RORA: variants seen among roughly 807,000 people sequenced by gnomAD.
The protein encoded by RORA is RAR related orphan receptor A, also known as nuclear receptor ROR-alpha.
Under a neutral mutation model 69.5 loss-of-function variants are expected in RORA, and 7 were observed. The observed-to-expected ratio is 0.10, with a 90% confidence interval of 0.06 to 0.19. The LOEUF (loss-of-function observed/expected upper bound fraction) is 0.19. RORA is among the 10% of genes least tolerant of loss of function. RORA has a pLI of 1.00. For synonymous variants in RORA, 261 were observed against 240.8 expected, an observed-to-expected ratio of 1.08 and a Z score of -0.78; for missense variants, 457 against 663.0, an observed-to-expected ratio of 0.69 and a Z score of 3.41.
chr15:60,541,239 T>C (rs1319393569), intron 2 of RORA, among the ~76,000 whole-genome samples: 1 of 152,184 alleles, frequency 6.6e-6, no homozygotes, highest in African/African-American at 2.4e-5. Context: ...ACATGGTCAT[T>C]AACATCTAAA....
At chr15:60,950,249 G>A (rs977216820) in intron 1 of RORA, among the ~76,000 whole-genome samples, 3 of 148,846 alleles carry the variant, frequency 2.0e-5, no homozygotes, top group African/African-American at 7.4e-5. Flanking sequence ...GAGAGATTTT[G>A]TCACCACCAG....
chr15:61,024,937 C>T (rs1411159218), intron 1 of RORA, among the ~76,000 whole-genome samples: 2 of 152,136 alleles, frequency 1.3e-5, no homozygotes, highest in Admixed American at 6.6e-5. Flanking sequence ...AGACAACAGA[C>T]CTATAAGCAA....
At chr15:60,550,396 T>C (rs949107673) in intron 2 of RORA, among the ~76,000 whole-genome samples, 1 of 152,240 alleles carries the variant, frequency 6.6e-6, no homozygotes, top group Non-Finnish European at 1.5e-5. Flanking sequence ...CCCAAACACA[T>C]TCATCTCAAA....
chr15:61,004,867 T>TC (rs1894865203), intron 1 of RORA, among the ~76,000 whole-genome samples: 1 of 152,262 alleles, frequency 6.6e-6, no homozygotes, highest in East Asian at 1.9e-4. Flanking sequence ...TTAAAACTTA[T>TC]CCAATTAGCA....
At chr15:60,752,125 G>C (rs1234378593) in intron 1 of RORA, among the ~76,000 whole-genome samples, 2 of 152,094 alleles carry the variant, frequency 1.3e-5, no homozygotes, top group Admixed American at 6.6e-5. Context: ...CAATGGGCTA[G>C]TATGGGAAAG....
intron 1 of RORA, among the ~76,000 whole-genome samples, chr15:60,947,688 TAAA>T (rs35887206): frequency 1.7e-4 from 17 of 102,930 alleles, no homozygotes; most frequent in East Asian, 1.0e-3. Context: ...GAATGATCAA[TAAA>T]AAAAAAAAAA....
chr15:60,794,865 C>T (rs553969675), intron 1 of RORA, among the ~76,000 whole-genome samples: 2 of 152,250 alleles, frequency 1.3e-5, no homozygotes, highest in East Asian at 1.9e-4. Context: ...TCACAAGCAC[C>T]GTAGGCCTGG....
chr15:60,848,796 C>T (rs944506100), intron 1 of RORA: 5 of 152,250 alleles, frequency 3.3e-5, no homozygotes, highest in African/African-American at 1.2e-4. Context: ...TGAGAACTCA[C>T]TCACTATCGT....
At chr15:61,069,627 T>C (rs1022749235) in intron 1 of RORA, among the ~76,000 whole-genome samples, 2 of 151,370 alleles carry the variant, frequency 1.3e-5, no homozygotes, top group Non-Finnish European at 2.9e-5. Flanking sequence ...ACCCAGTTCA[T>C]AACATTGATT....
rs2065051559 is a variant in RORA, at chr15:60,492,101, A to G, written c.*5354T>C. The G allele has an allele frequency of 6.6e-6, 1 of 152,204 alleles. No individual in the cohort carries two copies. The highest frequency in any genetic ancestry group is 6.5e-5 in the Admixed American group (1 of 15,280). The allele number at this position is 152,204 out of a possible 1,614,324, so 9.4% of individuals were successfully genotyped here. Reference sequence around the variant, plus strand: ...TCTACCATTTTCCATATTCTTTATTATCAAAAACAACATGGTAAAGGTATC... The same window carrying G: ...TCTACCATTTTCCATATTCTTTATTGTCAAAAACAACATGGTAAAGGTATC... On this transcript the variant is annotated 3_prime_UTR_variant, in exon 11 of 11. Transcript: ENST00000335670.
chr15:60,591,294 G>A (rs1245958479), intron 2 of RORA, among the ~76,000 whole-genome samples: 1 of 150,798 alleles, frequency 6.6e-6, no homozygotes, highest in Non-Finnish European at 1.5e-5. Context: ...GCGCACAAGC[G>A]GGCGGCGGGC....
At chr15:61,106,415 G>A (rs568619179) in intron 1 of RORA, among the ~76,000 whole-genome samples, 5 of 152,248 alleles carry the variant, frequency 3.3e-5, no homozygotes, top group South Asian at 2.1e-4. Flanking sequence ...ATAACCATCC[G>A]TTAAGTATTT....
At chr15:61,122,260 A>G (rs920159363) in intron 1 of RORA, among the ~76,000 whole-genome samples, 3 of 152,202 alleles carry the variant, frequency 2.0e-5, no homozygotes, top group Admixed American at 2.0e-4. Context: ...AAAATCTCAC[A>G]ATGGATAACA....
At chr15:61,198,353 C>A (rs2079863624) in intron 1 of RORA, among the ~76,000 whole-genome samples, 2 of 152,086 alleles carry the variant, frequency 1.3e-5, no homozygotes, top group South Asian at 4.2e-4. Context: ...TAACCTAGAT[C>A]TAGGAGACTT....
chr15:61,187,899 A>G (rs969928503), intron 1 of RORA, among the ~76,000 whole-genome samples: 2 of 152,024 alleles, frequency 1.3e-5, no homozygotes. Flanking sequence ...TGCACCAGAA[A>G]TTCCTAAGGC....
At chr15:60,583,177 C>G (rs2068240128) in intron 2 of RORA, among the ~76,000 whole-genome samples, 1 of 152,188 alleles carries the variant, frequency 6.6e-6, no homozygotes, top group Admixed American at 6.5e-5. Flanking sequence ...AGGAAGTCTA[C>G]TTTCATCTAT....
intron 1 of RORA, among the ~76,000 whole-genome samples, chr15:61,190,985 CCT>C (rs2079793988): frequency 6.6e-6 from 1 of 151,532 alleles, no homozygotes; most frequent in Non-Finnish European, 1.5e-5. Context: ...TGATTTTTAG[CCT>C]TTCAGCTGAG....
chr15:60,748,397 C>G (rs2071678969), intron 1 of RORA, among the ~76,000 whole-genome samples: 1 of 151,546 alleles, frequency 6.6e-6, no homozygotes, highest in African/African-American at 2.4e-5. Flanking sequence ...GGGAATGGGT[C>G]CAGAGATTGA....
chr15:60,864,943 G>A (rs1304067995), intron 1 of RORA, among the ~76,000 whole-genome samples: 1 of 152,216 alleles, frequency 6.6e-6, no homozygotes. Flanking sequence ...GTATTGTGGA[G>A]ACTTTGTTTT....
Sources: gnomAD v4.1 joint callset for allele counts (sites outside exome capture counted in the v4.1 genomes callset) on GRCh38, gnomAD v4.1.1 for gene constraint, MANE v1.5 for transcripts, NCBI Gene and HGNC (gene_info 2026-07-23, HGNC 2026-07-21) for gene names.